The following PIP5K1B variants were observed in gnomAD, a reference collection of about 807,000 sequenced individuals.
The protein encoded by PIP5K1B is phosphatidylinositol 4-phosphate 5-kinase type-1 beta.
In PIP5K1B, 42 loss-of-function variants were observed where a neutral mutation model predicts 67.0. The ratio of observed to expected loss-of-function variants is 0.63; its 90% CI spans 0.49 to 0.81. The LOEUF (loss-of-function observed/expected upper bound fraction) is 0.81. PIP5K1B is among the 30% of genes least tolerant of loss of function. The pLI is 0.00. For missense variants in PIP5K1B, 459 were observed against 646.3 expected (o/e 0.71, Z 3.14); for synonymous variants, 214 against 231.4 (o/e 0.92, Z 0.68).
rs569345096 is a variant in PIP5K1B, at chr9:68,766,231, A to T, written c.-86+23574A>T. Among the ~76,000 whole-genome samples, 12 of 152,300 alleles carry T rather than the reference A, an allele frequency of 7.9e-5. No individual in the cohort carries two copies. The South Asian group carries it at 2.5e-3, about 32-fold the overall frequency. ...AACAGAGGCTACCACTGGATAATGGATTGCAGGAAACTTTTACTTTGTTTT... is the reference window on the plus strand; with the variant it reads ...AACAGAGGCTACCACTGGATAATGGTTTGCAGGAAACTTTTACTTTGTTTT... On this transcript the variant is annotated intron_variant, in intron 2 of 15. Coordinates refer to ENST00000265382, the MANE Select transcript of PIP5K1B (RefSeq NM_003558.4).
chr9:68,851,886 C>G (rs1453436956), intron 4 of PIP5K1B, among the ~76,000 whole-genome samples: 1 of 152,188 alleles, frequency 6.6e-6, no homozygotes, highest in Non-Finnish European at 1.5e-5. Context: ...TGCATCTGAG[C>G]CAGGCCGTGT....
At chr9:68,757,425 C>G (rs1465647439) in intron 2 of PIP5K1B, among the ~76,000 whole-genome samples, 4 of 152,046 alleles carry the variant, frequency 2.6e-5, no homozygotes, top group Admixed American at 2.6e-4. Context: ...TTTCATTAAA[C>G]TTAGCTCTGG....
chr9:68,748,939 G>C (rs1829477065), intron 2 of PIP5K1B, among the ~76,000 whole-genome samples: 1 of 152,130 alleles, frequency 6.6e-6, no homozygotes. Context: ...TCCAGCCTCT[G>C]TAGGTGACAA....
intron 14 of PIP5K1B, among the ~76,000 whole-genome samples, chr9:68,973,863 A>G (rs1829510489): frequency 6.6e-6 from 1 of 152,128 alleles, no homozygotes. Context: ...CCTTTGACCC[A>G]TATGTTACTC....
At chr9:68,839,267 G>A (rs1821786835) in intron 4 of PIP5K1B, among the ~76,000 whole-genome samples, 1 of 151,980 alleles carries the variant, frequency 6.6e-6, no homozygotes, top group African/African-American at 2.4e-5. Flanking sequence ...GGGTGTGGTT[G>A]ACTGCTAAAT....
chr9:68,987,295 G>A (rs987408067), intron 14 of PIP5K1B, among the ~76,000 whole-genome samples: 13 of 151,734 alleles, frequency 8.6e-5, no homozygotes, highest in African/African-American at 2.4e-4. Context: ...CAGGCGTGGC[G>A]GCTTATGCCT....
At chr9:68,855,175 CCTTT>C (rs1303838929) in intron 4 of PIP5K1B, among the ~76,000 whole-genome samples, 6 of 152,202 alleles carry the variant, frequency 3.9e-5, no homozygotes, top group Middle Eastern at 3.4e-3. Context: ...GGTTGTCACC[CCTTT>C]CTTCAAACTC....
chr9:68,921,442 C>G (rs545708268), intron 11 of PIP5K1B, among the ~76,000 whole-genome samples: 27 of 152,294 alleles, frequency 1.8e-4, no homozygotes, highest in South Asian at 8.3e-4. Context: ...CATAGTACCT[C>G]GAACATTGAA....
intron 4 of PIP5K1B, among the ~76,000 whole-genome samples, chr9:68,841,449 A>G (rs1821914212): frequency 1.3e-5 from 2 of 152,324 alleles, no homozygotes; most frequent in South Asian, 4.1e-4. Flanking sequence ...GAAATGATAT[A>G]TGGAAAATCT....
rs564811222 is a variant in PIP5K1B, at chr9:68,754,175, C to CTTTTTTTTTTTCTTTTTTT, written c.-86+11529_-86+11530insCTTTTTTTTTTTTTTTTTT. On this transcript the variant is annotated intron_variant, in intron 2 of 15. Coordinates refer to ENST00000265382, the MANE Select transcript of PIP5K1B (RefSeq NM_003558.4). ...AGTCTTCTTTTATGTTCCATGATTTCTTTTTTTTTTTTGAGACAGAGTCTC... is the reference window on the plus strand; with the variant it reads ...AGTCTTCTTTTATGTTCCATGATTTCTTTTTTTTTTTCTTTTTTTTTTTTTTTTTTTGAGACAGAGTCTC... Among the ~76,000 whole-genome samples the CTTTTTTTTTTTCTTTTTTT allele has an allele frequency of 1.2e-4, 12 of 101,066 alleles. 2 individuals are homozygous for CTTTTTTTTTTTCTTTTTTT. The highest frequency in any genetic ancestry group is 3.4e-4 in the Admixed American group (3 of 8,916). The allele number at this position is 101,066 out of a possible 152,430, so 66.3% of individuals were successfully genotyped here.
intron 7 of PIP5K1B, among the ~76,000 whole-genome samples, chr9:68,890,696 C>CAA (rs76772005): frequency 1.8e-5 from 2 of 111,756 alleles, no homozygotes; most frequent in Non-Finnish European, 1.9e-5. Flanking sequence ...ATAGAAAAGC[C>CAA]AAAAAAAAAA....
intron 4 of PIP5K1B, among the ~76,000 whole-genome samples, chr9:68,823,673 TA>T (rs1294327086): frequency 3.3e-5 from 5 of 152,244 alleles, no homozygotes; most frequent in Non-Finnish European, 7.3e-5. Flanking sequence ...AAATTGACTA[TA>T]CATTTTAGCT....
intron 14 of PIP5K1B, among the ~76,000 whole-genome samples, chr9:68,985,165 C>T (rs999946268): frequency 2.6e-5 from 4 of 152,118 alleles, no homozygotes; most frequent in African/African-American, 9.7e-5. Context: ...TACAGTTGGC[C>T]ACTCTTCTCA....
chr9:68,799,177 T>G (rs1832454837), intron 2 of PIP5K1B, among the ~76,000 whole-genome samples: 1 of 152,224 alleles, frequency 6.6e-6, no homozygotes, highest in Non-Finnish European at 1.5e-5. Context: ...AAAATTATAT[T>G]TGAGATAAGC....
intron 1 of PIP5K1B, among the ~76,000 whole-genome samples, chr9:68,713,916 G>A (rs1023500078): frequency 6.6e-6 from 1 of 152,154 alleles, no homozygotes; most frequent in African/African-American, 2.4e-5. Flanking sequence ...CTTCACTGAA[G>A]AGAAGGAAAG....
chr9:68,918,919 G>A (rs1826233283), intron 9 of PIP5K1B, among the ~76,000 whole-genome samples: 1 of 151,928 alleles, frequency 6.6e-6, no homozygotes, highest in African/African-American at 2.4e-5. Flanking sequence ...AAAAAAATCA[G>A]GTTATAAAAC....
At chr9:68,811,283 C>A (rs1467785800) in intron 2 of PIP5K1B, among the ~76,000 whole-genome samples, 1 of 152,088 alleles carries the variant, frequency 6.6e-6, no homozygotes, top group Non-Finnish European at 1.5e-5. Flanking sequence ...GTTTTATGGC[C>A]CATCATTGGG....
intron 14 of PIP5K1B, among the ~76,000 whole-genome samples, chr9:68,985,503 C>T (rs1165708035): frequency 3.9e-5 from 6 of 152,312 alleles, no homozygotes; most frequent in East Asian, 1.9e-4. Flanking sequence ...CCACCTGCCT[C>T]GGCCTCCCAA....
chr9:68,917,817 T>G (rs1587664089), intron 9 of PIP5K1B, 58 bp downstream of exon 9: 1 of 1,247,248 alleles, frequency 8.0e-7, no homozygotes. Context: ...CGTCACTGGG[T>G]AATTATAGAC....
Sources: allele counts gnomAD v4.1 joint callset (sites outside exome capture counted in the v4.1 genomes callset), GRCh38; gene constraint gnomAD v4.1.1; transcripts MANE v1.5; gene names NCBI Gene and HGNC (gene_info 2026-07-23, HGNC 2026-07-21).